PIK3IP1: variants seen among roughly 807,000 people sequenced by gnomAD.
The protein encoded by PIK3IP1 is phosphoinositide-3-kinase interacting protein 1.
A neutral mutation model predicts 30.7 loss-of-function variants in PIK3IP1; 28 were observed. The observed-to-expected ratio is 0.91, with a 90% CI of 0.68 to 1.25. PIK3IP1 has a LOEUF of 1.25. PIK3IP1 is among the 50% of genes most tolerant of loss of function. The pLI is 0.00. For synonymous variants in PIK3IP1, 159 were observed against 140.8 expected, an observed-to-expected ratio of 1.13 and a Z score of -0.91; for missense variants, 333 against 346.2, an observed-to-expected ratio of 0.96 and a Z score of 0.30.
At chr22:31,291,372 G>A in intron 1 of PIK3IP1, 76 bp from the exon 2 acceptor site, 1 of 1,413,804 alleles carries the variant, frequency 7.1e-7, no homozygotes, top group South Asian at 1.2e-5. Flanking sequence ...GGACAGGGGA[G>A]CCGGGACCAC....
At position 31,282,405 on chromosome 22, in the gene PIK3IP1, C is replaced by T. The variant is rs908533462; in HGVS notation, c.*679G>A. On this transcript the variant is annotated 3_prime_UTR_variant, in exon 6 of 6. Transcript: ENST00000215912. ...GGAGCAGATCCTTCTCTATCCTCTTCCTAAGTGGAATGCTCAGTGCAATTC... is the reference window on the plus strand; with the variant it reads ...GGAGCAGATCCTTCTCTATCCTCTTTCTAAGTGGAATGCTCAGTGCAATTC... The T allele has an allele frequency of 6.5e-6, 1 of 152,684 alleles. No individual in the cohort carries two copies. The highest frequency in any genetic ancestry group is 6.5e-5 in the Admixed American group (1 of 15,280). The allele number at this position is 152,684 out of a possible 1,614,324, so 9.5% of individuals were successfully genotyped here. A position where few individuals can be genotyped will look rare whatever the true frequency, so the allele number is the denominator to read the frequency against.
Position 31,281,745 on chromosome 22 carries a change from A to C in PIK3IP1, c.*1339T>G, listed in dbSNP as rs1264436156. 6.5e-6 allele frequency: 1 copy of C among 152,690 alleles called. No individual in the cohort carries two copies. The highest frequency in any genetic ancestry group is 1.9e-4 in the East Asian group (1 of 5,196). The allele number at this position is 152,690 out of a possible 1,614,324, so 9.5% of individuals were successfully genotyped here. A position where few individuals can be genotyped will look rare whatever the true frequency, so the allele number is the denominator to read the frequency against. On this transcript the variant is annotated 3_prime_UTR_variant, in exon 6 of 6. Coordinates refer to ENST00000215912, the MANE Select transcript of PIK3IP1 (RefSeq NM_052880.5). ...AATATTCTCTTCTCCAGCATCACTAACACCAAGAGACCACCTGAGGTCTAG... is the reference window on the plus strand; with the variant it reads ...AATATTCTCTTCTCCAGCATCACTACCACCAAGAGACCACCTGAGGTCTAG...
At position 31,282,984 on chromosome 22, in the gene PIK3IP1, A is replaced by T; in HGVS notation, c.*100T>A. On this transcript the variant is annotated 3_prime_UTR_variant, in exon 6 of 6. Coordinates refer to ENST00000215912, the MANE Select transcript of PIK3IP1 (RefSeq NM_052880.5). The stretch of plus-strand genomic sequence containing the variant: ...TTCGCCAAAAAAGCGGGGGAGTGGT[A>T]GGGTTTTAACCAGAACACAAAGTGG... The T allele has an allele frequency of 1.1e-6, 1 of 906,510 alleles. No individual in the cohort carries two copies. Among genetic ancestry groups the T allele is most frequent in the Non-Finnish European group, 1.6e-6 (1 of 607,530 alleles). The allele number at this position is 906,510 out of a possible 1,614,324, so 56.2% of individuals were successfully genotyped here.
chr22:31,284,150 C>T (rs1011310616), intron 5 of PIK3IP1, among the ~76,000 whole-genome samples: 5 of 151,706 alleles, frequency 3.3e-5, no homozygotes, highest in African/African-American at 9.7e-5. Flanking sequence ...GTGATCCACC[C>T]GCCTCAGCAT....
chr22:31,291,342 C>CG (rs1181768346), intron 1 of PIK3IP1, 46 bp from the exon 2 acceptor site: 1 of 1,527,648 alleles, frequency 6.5e-7, no homozygotes, highest in South Asian at 1.2e-5. Context: ...GGGCAGCGAA[C>CG]GGAAGACGCC....
Position 31,292,323 on chromosome 22 carries a change from C to T in PIK3IP1, c.22G>A (p.Ala8Thr), listed in dbSNP as rs547273077. ...AGGAGCATGTTGCTGACGAGGAATG[C>T]TTGTACCCAGGCCAACAGCATCCTT... MLLAWVQ[A>T]FLVSNMLLAE... Residue 8 changes from alanine (A) to threonine (T), a missense_variant, in exon 1 of 6, where the codon GCA (alanine) becomes ACA (threonine). Transcript: ENST00000215912. The T allele has an allele frequency of 6.2e-6, 10 of 1,614,166 alleles. No homozygotes were observed. In the African/African-American group the frequency reaches 1.3e-4, roughly 22 times the overall value.
In PIK3IP1 at chr22:31,289,648, G is replaced by A. The variant is rs2049158612; in HGVS notation, c.359C>T (p.Ser120Phe). The part of the protein sequence containing the change: ...PAFTTEIQEA[S>F]EGPGADEVQV... ...CACCTCATCTGCACCTGGCCCTTCA[G>A]ACGCTTCCTGGATTTCTGTCGTGAA... The change falls in exon 4 of 6, where the codon TCT (serine) becomes TTT (phenylalanine). Residue 120 changes from serine to phenylalanine, a missense_variant. Coordinates refer to ENST00000215912, the MANE Select transcript of PIK3IP1 (RefSeq NM_052880.5). 1 of 1,554,520 alleles carries A rather than the reference G, an allele frequency of 6.4e-7. No individual in the cohort carries two copies. Among genetic ancestry groups the A allele is most frequent in the Non-Finnish European group, 8.7e-7 (1 of 1,148,106 alleles).
intron 5 of PIK3IP1, among the ~76,000 whole-genome samples, chr22:31,288,152 G>C (rs967627979): frequency 5.9e-5 from 9 of 152,174 alleles, no homozygotes; most frequent in African/African-American, 1.7e-4. Flanking sequence ...TGAGGTAGGA[G>C]GACTGCTTGA....
intron 3 of PIK3IP1, chr22:31,289,978 C>T (rs1037602772): frequency 1.1e-5 from 4 of 372,892 alleles, no homozygotes; most frequent in East Asian, 4.6e-5. Flanking sequence ...TCCCAAGGCC[C>T]CTCTCGGTTG....
chr22:31,290,692 A>C (rs1011947270), intron 3 of PIK3IP1: 1 of 428,486 alleles, frequency 2.3e-6, no homozygotes, highest in Non-Finnish European at 4.1e-6. Context: ...GCCAAAAGCC[A>C]CTCCTCAGGA....
intron 5 of PIK3IP1, among the ~76,000 whole-genome samples, chr22:31,284,990 C>A (rs942455770): frequency 1.3e-5 from 2 of 152,104 alleles, no homozygotes; most frequent in Non-Finnish European, 2.9e-5. Flanking sequence ...GCTTACAGTA[C>A]CTACCCTGAC....
chr22:31,289,773 T>C (rs531432452), intron 3 of PIK3IP1, 74 bp from the exon 4 acceptor site: 390 of 1,484,122 alleles, frequency 2.6e-4, no homozygotes, highest in Admixed American at 4.2e-5. Flanking sequence ...CTGGCCTGAG[T>C]GTTAGGGTAG....
rs2049185861 is a variant in PIK3IP1, at chr22:31,292,206, T to A, written c.70+69A>T. On this transcript the variant is annotated intron_variant, in intron 1 of 5. Transcript: ENST00000215912. The stretch of plus-strand genomic sequence containing the variant: ...CGTTTCCTGTCATCCTGGCCCTGTT[T>A]GGGAAATAGGGGGCTTTACCCCTTC... 4.0e-6 allele frequency: 6 copies of A among 1,497,768 alleles called. No homozygotes were observed. In the East Asian group the frequency reaches 1.1e-4, roughly 28 times the overall value. The allele number at this position is 1,497,768 out of a possible 1,614,324, so 92.8% of individuals were successfully genotyped here.
At chr22:31,291,382 C>A (rs2049177620) in intron 1 of PIK3IP1, 86 bp from the exon 2 acceptor site, 1 of 1,354,110 alleles carries the variant, frequency 7.4e-7, no homozygotes, top group Non-Finnish European at 1.0e-6. Context: ...GCCGGGACCA[C>A]CCGGGCTGAA....
chr22:31,290,874 C>T (rs1006435109), intron 3 of PIK3IP1, 91 bp downstream of exon 3: 3 of 1,434,450 alleles, frequency 2.1e-6, no homozygotes, highest in South Asian at 1.5e-5. Context: ...CGGGGCCGGC[C>T]GGCATCGCGC....
In PIK3IP1 at chr22:31,289,592, C is replaced by T. The variant is rs1259904398; in HGVS notation, c.415G>A (p.Ala139Thr). 2.6e-6 allele frequency: 4 copies of T among 1,559,534 alleles called. No individual in the cohort carries two copies. Among genetic ancestry groups the T allele is most frequent in the Admixed American group, 3.9e-5 (2 of 51,220 alleles). ...TGCACAGCTGCCGCCTCACTCCGAG[C>T]GGGCAGGGCGTTGGCAGGAGCGAAC... is the stretch of plus-strand genomic sequence containing the variant. ...QVFAPANALP[A>T]RSEAAAVQPV... The change falls in exon 4 of 6, where the codon GCT (alanine) becomes ACT (threonine). Residue 139 changes from alanine to threonine, a missense_variant. By Grantham distance (58) the Ala-to-Thr change is moderately conservative (BLOSUM62 0). Around this residue, in one of 3 missense-constraint regions of PIK3IP1, gnomAD observed 217 missense variants for 227.7 expected, o/e 0.95. Transcript: ENST00000215912.
In PIK3IP1 at chr22:31,282,747, G is replaced by T. The variant is rs1053794073; in HGVS notation, c.*337C>A. On this transcript the variant is annotated 3_prime_UTR_variant, in exon 6 of 6. Transcript: ENST00000215912. ...GGCCATCTTAGTAAAGCACAGAGGA[G>T]CCTGGGGGAGCTCCCCGTCTATCCC... is the stretch of plus-strand genomic sequence containing the variant. 3 of 290,072 alleles carry T rather than the reference G, an allele frequency of 1.0e-5. No individual in the cohort carries two copies. Among genetic ancestry groups the T allele is most frequent in the South Asian group, 5.3e-5 (1 of 18,844 alleles). The allele number at this position is 290,072 out of a possible 1,614,324, so 18.0% of individuals were successfully genotyped here.
At position 31,290,961 on chromosome 22, in the gene PIK3IP1, G is replaced by A. The variant is rs1160258324; in HGVS notation, c.307+4C>T. On this transcript the variant is annotated splice_donor_region_variant and intron_variant, in intron 3 of 5. Transcript: ENST00000215912. ...CGGGGATTCCCGGGGTCCCGGGCAG[G>A]TACCTGGACAGCGCAGGTCCTCGCA... 6.3e-7 allele frequency: 1 copy of A among 1,591,550 alleles called. No homozygotes were observed. The highest frequency in any genetic ancestry group is 2.4e-5 in the East Asian group (1 of 42,494).
chr22:31,289,085 A>G, intron 5 of PIK3IP1: 1 of 593,262 alleles, frequency 1.7e-6, no homozygotes, highest in South Asian at 2.2e-5. Context: ...AGGCTTCTTC[A>G]TTTGTAAAAT....
Sources: allele counts gnomAD v4.1 joint callset (sites outside exome capture counted in the v4.1 genomes callset), GRCh38; gene constraint gnomAD v4.1.1; regional missense constraint gnomAD v4.1.1; transcripts MANE v1.5; gene names NCBI Gene and HGNC (gene_info 2026-07-23, HGNC 2026-07-21).